XRCC4: variants seen among roughly 807,000 people sequenced by gnomAD.
XRCC4 encodes X-ray repair cross complementing 4, also known as DNA repair protein XRCC4.
XRCC4 carries 28 observed loss-of-function variants against 39.1 expected under a neutral mutation model. That is an observed-to-expected ratio of 0.72 (90% CI 0.53 to 0.98). The LOEUF is 0.98. XRCC4 is among the 50% of genes least tolerant of loss of function. The pLI is 0.00. For missense variants in XRCC4, 350 were observed against 376.4 expected (o/e 0.93, Z 0.58); for synonymous variants, 123 against 126.4 (o/e 0.97, Z 0.18).
At chr5:83,338,166 G>A (rs539176012) in intron 7 of XRCC4, among the ~76,000 whole-genome samples, 18 of 152,270 alleles carry the variant, frequency 1.2e-4, no homozygotes, top group African/African-American at 4.1e-4. Flanking sequence ...TAATTTTTTT[G>A]TTATGCCAAG....
intron 6 of XRCC4, among the ~76,000 whole-genome samples, chr5:83,256,608 C>A (rs1753549318): frequency 6.6e-6 from 1 of 150,618 alleles, no homozygotes; most frequent in African/African-American, 2.4e-5. Context: ...AGCTTAACAG[C>A]ATTGGGAAAT....
At chr5:83,298,661 A>T (rs1426368105) in intron 7 of XRCC4, among the ~76,000 whole-genome samples, 1 of 151,426 alleles carries the variant, frequency 6.6e-6, no homozygotes, top group African/African-American at 2.4e-5. Flanking sequence ...ATTTTTTTTT[A>T]ATCTCATCTA....
chr5:83,144,190 A>C (rs1477925364), intron 3 of XRCC4, among the ~76,000 whole-genome samples: 1 of 152,002 alleles, frequency 6.6e-6, no homozygotes, highest in Non-Finnish European at 1.5e-5. Flanking sequence ...CTTCACTTAG[A>C]ATAATGACCT....
chr5:83,365,246 C>G, the XRCC4 span, among the ~76,000 whole-genome samples: 2 of 152,248 alleles, frequency 1.3e-5, no homozygotes, highest in Admixed American at 6.5e-5. Context: ...TGATGGACAT[C>G]CATCTTCAGT....
intron 3 of XRCC4, among the ~76,000 whole-genome samples, chr5:83,120,498 G>A (rs949913374): frequency 6.6e-6 from 1 of 152,150 alleles, no homozygotes; most frequent in African/African-American, 2.4e-5. Context: ...TTTCGTTATA[G>A]ATCAGCTTTA....
At chr5:83,287,374 C>T (rs1200196345) in intron 7 of XRCC4, among the ~76,000 whole-genome samples, 1 of 152,004 alleles carries the variant, frequency 6.6e-6, no homozygotes, top group African/African-American at 2.4e-5. Flanking sequence ...GAGAGAATAG[C>T]ACAGCTTTCT....
At chr5:83,321,051 T>G (rs570563234) in intron 7 of XRCC4, among the ~76,000 whole-genome samples, 13 of 152,182 alleles carry the variant, frequency 8.5e-5, no homozygotes, top group African/African-American at 3.1e-4. Flanking sequence ...CCCTGTGATC[T>G]GCCCGCCTCG....
chr5:83,093,429 A>G (rs766477156), intron 1 of XRCC4, among the ~76,000 whole-genome samples: 8 of 152,232 alleles, frequency 5.3e-5, no homozygotes, highest in Non-Finnish European at 1.2e-4. Flanking sequence ...AGGCAATGTT[A>G]GACTTAAGCA....
chr5:83,206,203 G>A (rs1017135256), intron 6 of XRCC4, among the ~76,000 whole-genome samples: 1 of 152,092 alleles, frequency 6.6e-6, no homozygotes, highest in Non-Finnish European at 1.5e-5. Context: ...ATTGTGTTAA[G>A]AATAGACTAT....
chr5:83,342,637 G>A (rs986460074), intron 7 of XRCC4, among the ~76,000 whole-genome samples: 7 of 152,088 alleles, frequency 4.6e-5, no homozygotes, highest in African/African-American at 9.7e-5. Flanking sequence ...CTAGGCCAAC[G>A]AAATGACGTG....
chr5:83,223,979 A>C (rs554423695), intron 6 of XRCC4, among the ~76,000 whole-genome samples: 2 of 151,656 alleles, frequency 1.3e-5, no homozygotes, highest in African/African-American at 4.8e-5. Flanking sequence ...ATAGTATTCT[A>C]TGGTGTATAT....
Position 83,261,088 on chromosome 5 carries a change from A to G in XRCC4, c.893+2411A>G, listed in dbSNP as rs531777067. On this transcript the variant is annotated intron_variant, in intron 7 of 7. Coordinates refer to ENST00000396027, the MANE Select transcript of XRCC4 (RefSeq NM_003401.5). ...ATAGGATTTTTTTTGCATTTTGAAT[A>G]CAGGAGACTGAAATTTTATGGCTCT... is the stretch of plus-strand genomic sequence containing the variant. 5.9e-5 allele frequency among the ~76,000 whole-genome samples: 9 copies of G among 151,972 alleles called. No homozygotes were observed. In the East Asian group the frequency reaches 1.5e-3, roughly 26 times the overall value.
the XRCC4 span, among the ~76,000 whole-genome samples, chr5:83,361,397 C>G: frequency 6.6e-6 from 1 of 152,114 alleles, no homozygotes; most frequent in Non-Finnish European, 1.5e-5. Flanking sequence ...ATTCCTGCTT[C>G]TACAGGATTC....
intron 3 of XRCC4, among the ~76,000 whole-genome samples, chr5:83,146,067 G>A (rs1748438453): frequency 1.3e-5 from 2 of 152,090 alleles, no homozygotes; most frequent in African/African-American, 2.4e-5. Context: ...TAGGAAATTG[G>A]TACTGTGACC....
In XRCC4 at chr5:83,144,288, T is replaced by TGTGC. The variant is rs1554058223; in HGVS notation, c.315+33088_315+33089insCGTG. ...TCCTCTGTGTGTGTGTGTGTGTGTG[T>TGTGC]GTGTGTGTGTGTGTGTGTAAAATTG... is the stretch of plus-strand genomic sequence containing the variant. On this transcript the variant is annotated intron_variant, in intron 3 of 7. Transcript: ENST00000396027. 6.0e-3 allele frequency among the ~76,000 whole-genome samples: 908 copies of TGTGC among 151,338 alleles called. 14 individuals are homozygous for TGTGC. In the Middle Eastern group the frequency reaches 0.082, roughly 14 times the overall value.
At chr5:83,328,761 A>G (rs1756345885) in intron 7 of XRCC4, among the ~76,000 whole-genome samples, 2 of 152,112 alleles carry the variant, frequency 1.3e-5, no homozygotes, top group South Asian at 2.1e-4. Flanking sequence ...TATAGGAATA[A>G]TAGTAAAGCA....
At chr5:83,195,957 T>C in intron 4 of XRCC4, 21 bp downstream of exon 4, 1 of 1,547,594 alleles carries the variant, frequency 6.5e-7, no homozygotes, top group Non-Finnish European at 8.7e-7. Context: ...AGTTTGCTTG[T>C]GGTATAAAAA....
chr5:83,195,628 AC>A lies in XRCC4; in HGVS notation c.316-141del, dbSNP rs1162277287. ...AGGTAGAAGCCCAGTTTTTTTGCTC[AC>A]TGTTTGTATATCTTGTAAATGCATT... On this transcript the variant is annotated intron_variant, in intron 3 of 7. Transcript: ENST00000396027. 13 of 752,926 alleles carry A rather than the reference AC, an allele frequency of 1.7e-5. No homozygotes were observed. In the South Asian group the frequency reaches 2.0e-4, roughly 11 times the overall value. 46.6% of individuals were successfully genotyped at this position (752,926 alleles called of 1,614,324 possible). A position where few individuals can be genotyped will look rare whatever the true frequency, so the allele number is the denominator to read the frequency against.
intron 3 of XRCC4, among the ~76,000 whole-genome samples, chr5:83,194,234 C>T (rs576582458): frequency 6.6e-6 from 1 of 152,318 alleles, no homozygotes; most frequent in African/African-American, 2.4e-5. Context: ...GAGTGAGCCA[C>T]TGTGCTCGGC....
Sources: allele counts gnomAD v4.1 joint callset (sites outside exome capture counted in the v4.1 genomes callset), GRCh38; gene constraint gnomAD v4.1.1; transcripts MANE v1.5; gene names NCBI Gene and HGNC (gene_info 2026-07-23, HGNC 2026-07-21).